The following RPH3AL variants were observed in gnomAD, a reference collection of about 807,000 sequenced individuals.
RPH3AL encodes the protein rabphilin 3A like (without C2 domains), also known as rab effector Noc2.
RPH3AL carries 38 observed loss-of-function variants against 43.1 expected under a neutral mutation model. The ratio of observed to expected loss-of-function variants is 0.88; its 90% CI spans 0.68 to 1.15. The LOEUF is 1.15. Among genes scored for constraint, RPH3AL ranks in the 50% most tolerant of loss-of-function variants. The pLI is 0.00. For synonymous variants in RPH3AL, 189 were observed against 176.3 expected (o/e 1.07, Z -0.57); for missense variants, 462 against 423.2 (o/e 1.09, Z -0.81).
At chr17:316,366 A>C (rs1245242341) in intron 5 of RPH3AL, among the ~76,000 whole-genome samples, 1 of 138,230 alleles carries the variant, frequency 7.2e-6, no homozygotes, top group Admixed American at 7.4e-5. Context: ...CTCCACCTCC[A>C]TTGACCTGTA....
chr17:312,619 G>A (rs531944798), intron 5 of RPH3AL, among the ~76,000 whole-genome samples: 14 of 152,348 alleles, frequency 9.2e-5, no homozygotes, highest in Non-Finnish European at 1.5e-4. Context: ...GCAGGACCCT[G>A]AAGAGGTTTC....
At position 249,879 on chromosome 17, in the gene RPH3AL, C is replaced by T. The variant is rs1295582212; in HGVS notation, c.439-2594G>A. On this transcript the variant is annotated intron_variant, in intron 6 of 9. Coordinates refer to ENST00000331302, the MANE Select transcript of RPH3AL (RefSeq NM_006987.4). The stretch of plus-strand genomic sequence containing the variant: ...CCGTCGCTGCAGGACCTCTCAGACC[C>T]TTTACTAAGCTCCGTCACTGTGGGA... Among the ~76,000 whole-genome samples the T allele has an allele frequency of 2.0e-5, 3 of 149,360 alleles. No individual in the cohort carries two copies. The Admixed American group carries it at 2.0e-4, about 10-fold the overall frequency.
intron 6 of RPH3AL, among the ~76,000 whole-genome samples, chr17:267,848 A>T (rs1429589967): frequency 6.6e-6 from 1 of 151,576 alleles, no homozygotes; most frequent in Non-Finnish European, 1.5e-5. Flanking sequence ...GATTTTAGCG[A>T]CCTCCTCTCA....
At chr17:239,491 T>C (rs1378324434) in intron 7 of RPH3AL, among the ~76,000 whole-genome samples, 1 of 152,204 alleles carries the variant, frequency 6.6e-6, no homozygotes, top group Non-Finnish European at 1.5e-5. Flanking sequence ...CACTCGTCTG[T>C]TTATTCCTAC....
intron 5 of RPH3AL, among the ~76,000 whole-genome samples, chr17:307,468 C>T (rs1391864762): frequency 1.3e-5 from 2 of 152,226 alleles, no homozygotes; most frequent in Non-Finnish European, 2.9e-5. Flanking sequence ...CACGCTCATC[C>T]CTGCCTTCTA....
rs371152585 is a variant in RPH3AL, at chr17:314,026, C to G, written c.351+5394G>C. Among the ~76,000 whole-genome samples the G allele has an allele frequency of 6.6e-5, 10 of 152,324 alleles. No individual in the cohort carries two copies. The East Asian group carries it at 1.7e-3, about 26-fold the overall frequency. On this transcript the variant is annotated intron_variant, in intron 5 of 9. Coordinates refer to ENST00000331302, the MANE Select transcript of RPH3AL (RefSeq NM_006987.4). ...CCATCTGCAACAGAAACGCCCGGAC[C>G]AGCCCACAGCTCCAGAGTAGCGTGG...
intron 7 of RPH3AL, among the ~76,000 whole-genome samples, chr17:238,452 C>T (rs914720537): frequency 2.0e-5 from 3 of 152,218 alleles, no homozygotes; most frequent in African/African-American, 2.4e-5. Context: ...TAACTGTCCT[C>T]GGCGTTGGAG....
At chr17:259,720 C>T (rs4985595) in intron 6 of RPH3AL, among the ~76,000 whole-genome samples, 9,651 of 152,302 alleles carry the variant, frequency 0.063, 363 homozygotes, top group East Asian at 0.094. Flanking sequence ...TGGCGGTGGC[C>T]GGGGTGTCCG....
At chr17:248,646 C>T (rs1035449919) in intron 6 of RPH3AL, among the ~76,000 whole-genome samples, 19 of 152,132 alleles carry the variant, frequency 1.2e-4, no homozygotes, top group African/African-American at 4.3e-4. Flanking sequence ...CTGAGGGGTC[C>T]CTCTGTTCCT....
chr17:229,251 C>T (rs1339530194), intron 7 of RPH3AL, among the ~76,000 whole-genome samples: 1 of 152,194 alleles, frequency 6.6e-6, no homozygotes, highest in Non-Finnish European at 1.5e-5. Flanking sequence ...CCTCAACTTC[C>T]TCAACATATT....
At chr17:286,236 C>A (rs2042908039) in intron 5 of RPH3AL, among the ~76,000 whole-genome samples, 1 of 152,186 alleles carries the variant, frequency 6.6e-6, no homozygotes, top group Non-Finnish European at 1.5e-5. Flanking sequence ...GCAGCGTGGA[C>A]CAGTCGCCCT....
intron 5 of RPH3AL, among the ~76,000 whole-genome samples, chr17:318,335 T>A (rs1349357128): frequency 6.6e-6 from 1 of 152,144 alleles, no homozygotes; most frequent in Non-Finnish European, 1.5e-5. Context: ...GAGCCAAGAC[T>A]GCACCATTTG....
Position 273,775 on chromosome 17 carries a change from G to A in RPH3AL, c.438+7993C>T, listed in dbSNP as rs918880560. Among the ~76,000 whole-genome samples, 51 of 152,376 alleles carry A rather than the reference G, an allele frequency of 3.3e-4. 1 individual carries two copies. The highest frequency in any genetic ancestry group is 3.4e-3 in the Middle Eastern group (1 of 294). ...ACACTGCAGGAGACACTGAGTGCTGGCTGTGGCCCGTGGCTGCCGGGTTAT... is the reference window on the plus strand; with the variant it reads ...ACACTGCAGGAGACACTGAGTGCTGACTGTGGCCCGTGGCTGCCGGGTTAT... On this transcript the variant is annotated intron_variant, in intron 6 of 9. Coordinates refer to ENST00000331302, the MANE Select transcript of RPH3AL (RefSeq NM_006987.4).
chr17:292,748 G>T (rs1280140104), intron 5 of RPH3AL, among the ~76,000 whole-genome samples: 2 of 152,158 alleles, frequency 1.3e-5, no homozygotes, highest in Non-Finnish European at 2.9e-5. Context: ...CGACAGATGA[G>T]GTCAAGCTTC....
Position 264,933 on chromosome 17 carries a change from T to C in RPH3AL, c.438+16835A>G, listed in dbSNP as rs142949421. ...TACACATAACTGCAAAACATGAAAA[T>C]GTATAAGAAATTATGCTTTGAAAGT... On this transcript the variant is annotated intron_variant, in intron 6 of 9. Transcript: ENST00000331302. This position sits in a 1 kb window ranked among gnomAD's most constrained non-coding sequence, Gnocchi z 4.8. Among the ~76,000 whole-genome samples the C allele has an allele frequency of 1.2e-4, 18 of 152,146 alleles. No homozygotes were observed. Among genetic ancestry groups the C allele is most frequent in the African/African-American group, 4.3e-4 (18 of 41,484 alleles).
chr17:219,005 C>T (rs2040881832), intron 8 of RPH3AL, among the ~76,000 whole-genome samples: 1 of 152,002 alleles, frequency 6.6e-6, no homozygotes, highest in South Asian at 2.1e-4. Flanking sequence ...GCATGGGTGG[C>T]CTGGCTGGCC....
chr17:231,152 G>T (rs752081058), intron 7 of RPH3AL, among the ~76,000 whole-genome samples: 2 of 152,118 alleles, frequency 1.3e-5, no homozygotes, highest in African/African-American at 2.4e-5. Context: ...CTGCATCTCT[G>T]GGCCTCCATC....
At chr17:316,472 T>C (rs200647788) in intron 5 of RPH3AL, among the ~76,000 whole-genome samples, 162 of 19,712 alleles carry the variant, frequency 8.2e-3, no homozygotes, top group Middle Eastern at 0.12. Flanking sequence ...ACCTGTAGTC[T>C]CTGTGCCCCA....
rs1479409964 is a variant in RPH3AL, at chr17:304,926, AG to A, written c.351+14493del. On this transcript the variant is annotated intron_variant, in intron 5 of 9. Coordinates refer to ENST00000331302, the MANE Select transcript of RPH3AL (RefSeq NM_006987.4). ...TAGGGCCAGAGTGCAAGAGAGGCAC[AG>A]GGCGAGAGGGGGACAGGGCGAGAGG... is the stretch of plus-strand genomic sequence containing the variant. Among the ~76,000 whole-genome samples the A allele has an allele frequency of 3.5e-4, 36 of 103,596 alleles. 1 individual carries two copies. The highest frequency in any genetic ancestry group is 1.2e-3 in the African/African-American group (35 of 29,028). The allele number at this position is 103,596 out of a possible 152,430, so 68.0% of individuals were successfully genotyped here.
Sources: allele counts gnomAD v4.1 joint callset (sites outside exome capture counted in the v4.1 genomes callset), GRCh38; gene constraint gnomAD v4.1.1; non-coding constraint Gnocchi (gnomAD v3.1); transcripts MANE v1.5; gene names NCBI Gene and HGNC (gene_info 2026-07-23, HGNC 2026-07-21).